Variants in QKI observed in about 807,000 individuals in gnomAD.
The protein encoded by QKI is QKI, KH domain containing RNA binding.
QKI carries 10 observed loss-of-function variants against 39.0 expected under a neutral mutation model. The observed-to-expected ratio is 0.26, with a 90% CI of 0.16 to 0.43. The LOEUF (loss-of-function observed/expected upper bound fraction) is 0.43. QKI is among the 20% of genes least tolerant of loss of function. QKI has a pLI of 1.00. For synonymous variants in QKI, 204 were observed against 155.4 expected (o/e 1.31, Z -2.33); for missense variants, 218 against 428.0 (o/e 0.51, Z 4.33).
chr6:163,433,553 T>A (rs1303484824), intron 1 of QKI, among the ~76,000 whole-genome samples: 1 of 152,022 alleles, frequency 6.6e-6, no homozygotes, highest in African/African-American at 2.4e-5. Context: ...GATCACGAGG[T>A]CAGGAGTTTG....
chr6:163,525,816 T>A (rs1780479187), intron 3 of QKI, among the ~76,000 whole-genome samples: 1 of 152,236 alleles, frequency 6.6e-6, no homozygotes, highest in Admixed American at 6.5e-5. Context: ...ACTGAGTACA[T>A]TGAGTCAGGT....
Position 163,415,165 on chromosome 6 carries a change from C to A in QKI, c.-29C>A. The stretch of plus-strand genomic sequence containing the variant: ...TCTCCGGCGGCGGCGGCGGCGGCGG[C>A]GGGCGGAGTGAGCTGCGGAGCCTGG... On this transcript the variant is annotated 5_prime_UTR_variant, in exon 1 of 8. Transcript: ENST00000361752. 7.0e-7 allele frequency: 1 copy of A among 1,431,902 alleles called. No individual in the cohort carries two copies. The highest frequency in any genetic ancestry group is 9.3e-7 in the Non-Finnish European group (1 of 1,077,610). 88.7% of individuals were successfully genotyped at this position (1,431,902 alleles called of 1,614,324 possible). A position where few individuals can be genotyped will look rare whatever the true frequency, so the allele number is the denominator to read the frequency against.
chr6:163,570,818 C>T lies in QKI; in HGVS notation c.*108C>T, dbSNP rs1018228636. On this transcript the variant is annotated 3_prime_UTR_variant, in exon 8 of 8. Transcript: ENST00000361752. Reference sequence around the variant, plus strand: ...CTTTGCTTGCCTGTCGTCAGTGCAGCGAGCTGAGGCACTTGTCCGTTCGTC... The same window carrying T: ...CTTTGCTTGCCTGTCGTCAGTGCAGTGAGCTGAGGCACTTGTCCGTTCGTC... 2.5e-5 allele frequency: 36 copies of T among 1,414,732 alleles called. No individual in the cohort carries two copies. The African/African-American group carries it at 2.6e-4, about 10-fold the overall frequency. The allele number at this position is 1,414,732 out of a possible 1,614,324, so 87.6% of individuals were successfully genotyped here. A position where few individuals can be genotyped will look rare whatever the true frequency, so the allele number is the denominator to read the frequency against.
At chr6:163,453,448 G>A (rs1790720128) in intron 1 of QKI, among the ~76,000 whole-genome samples, 1 of 152,112 alleles carries the variant, frequency 6.6e-6, no homozygotes, top group African/African-American at 2.4e-5. Flanking sequence ...CAGAGACCTG[G>A]CTAAAGGATG....
At position 163,418,294 on chromosome 6, in the gene QKI, A is replaced by G. The variant is rs537726190; in HGVS notation, c.142+2959A>G. Among the ~76,000 whole-genome samples the G allele has an allele frequency of 3.3e-5, 5 of 152,278 alleles. No homozygotes were observed. The South Asian group carries it at 1.0e-3, about 32-fold the overall frequency. ...TATTTTTCAAAGAATAAGCTTTTTA[A>G]AAATATGCTTGTCAGCCTAAGAATT... On this transcript the variant is annotated intron_variant, in intron 1 of 7. Coordinates refer to ENST00000361752, the MANE Select transcript of QKI (RefSeq NM_006775.3).
chr6:163,467,353 G>T (rs898388394), intron 2 of QKI, among the ~76,000 whole-genome samples: 1 of 152,212 alleles, frequency 6.6e-6, no homozygotes, highest in African/African-American at 2.4e-5. Context: ...GTTGTATGCA[G>T]CACAGGAACT....
rs761065550 is a variant in QKI, at chr6:163,415,175, G to C, written c.-19G>C. 6 of 1,509,580 alleles carry C rather than the reference G, an allele frequency of 4.0e-6. No homozygotes were observed. Among genetic ancestry groups the C allele is most frequent in the Admixed American group, 1.9e-5 (1 of 52,960 alleles). 93.5% of individuals were successfully genotyped at this position (1,509,580 alleles called of 1,614,324 possible). ...CGGCGGCGGCGGCGGCGGGCGGAGT[G>C]AGCTGCGGAGCCTGGAATATGGTCG... On this transcript the variant is annotated 5_prime_UTR_variant, in exon 1 of 8. Coordinates refer to ENST00000361752, the MANE Select transcript of QKI (RefSeq NM_006775.3).
chr6:163,429,807 G>A (rs75118331), intron 1 of QKI, among the ~76,000 whole-genome samples: 1 of 152,192 alleles, frequency 6.6e-6, no homozygotes, highest in East Asian at 1.9e-4. Context: ...TCTATTCTAG[G>A]CTGTTTGGTT....
chr6:163,415,402 A>G, intron 1 of QKI, 67 bp downstream of exon 1: 5 of 998,066 alleles, frequency 5.0e-6, no homozygotes, highest in Non-Finnish European at 7.0e-6. Context: ...CCCGCTTGGG[A>G]TGGTGGGGAG....
At chr6:163,485,670 A>T (rs994111217) in intron 3 of QKI, among the ~76,000 whole-genome samples, 86 of 152,082 alleles carry the variant, frequency 5.7e-4, no homozygotes, top group African/African-American at 1.9e-3. Flanking sequence ...CATTGTGTTG[A>T]TGGGTGAAAT....
intron 1 of QKI, among the ~76,000 whole-genome samples, chr6:163,440,366 CT>C (rs1789674669): frequency 6.6e-6 from 1 of 152,166 alleles, no homozygotes; most frequent in Admixed American, 6.5e-5. Context: ...TCTTTCCTAA[CT>C]ATGAAATGAA....
At chr6:163,463,326 T>C (rs1038124987) in intron 2 of QKI, among the ~76,000 whole-genome samples, 1 of 152,186 alleles carries the variant, frequency 6.6e-6, no homozygotes, top group East Asian at 1.9e-4. Context: ...GTATTAGATG[T>C]AGGTGGTAGT....
intron 1 of QKI, chr6:163,415,826 C>A: frequency 8.6e-6 from 4 of 465,688 alleles, no homozygotes; most frequent in Non-Finnish European, 1.7e-5. Context: ...GGGAGCTCTC[C>A]CCTCCCGTGA....
At chr6:163,504,783 T>G (rs1420060067) in intron 3 of QKI, among the ~76,000 whole-genome samples, 1 of 152,194 alleles carries the variant, frequency 6.6e-6, no homozygotes, top group Non-Finnish European at 1.5e-5. Flanking sequence ...CAAATCATAT[T>G]GTTAGCAAAG....
At chr6:163,500,743 A>G (rs1778707612) in intron 3 of QKI, among the ~76,000 whole-genome samples, 1 of 152,210 alleles carries the variant, frequency 6.6e-6, no homozygotes, top group Non-Finnish European at 1.5e-5. Context: ...ACCAACAAAT[A>G]CTTTATGAAT....
intron 3 of QKI, among the ~76,000 whole-genome samples, chr6:163,517,041 C>T (rs989389794): frequency 2.2e-5 from 2 of 90,800 alleles, no homozygotes; most frequent in African/African-American, 6.7e-5. Flanking sequence ...AGGGGACACA[C>T]ACACACACAC....
intron 3 of QKI, among the ~76,000 whole-genome samples, chr6:163,523,911 T>G (rs564746613): frequency 6.6e-6 from 1 of 152,324 alleles, no homozygotes; most frequent in East Asian, 1.9e-4. Flanking sequence ...AAGTATCATT[T>G]TAGAGCCATA....
intron 1 of QKI, among the ~76,000 whole-genome samples, chr6:163,425,431 A>G (rs1788332748): frequency 6.6e-6 from 1 of 152,216 alleles, no homozygotes; most frequent in South Asian, 2.1e-4. Flanking sequence ...GTTGTAGGGA[A>G]TCTTTAAGGC....
intron 1 of QKI, among the ~76,000 whole-genome samples, chr6:163,450,168 C>T (rs953926440): frequency 6.6e-6 from 1 of 152,142 alleles, no homozygotes; most frequent in African/African-American, 2.4e-5. Flanking sequence ...AGCAATTCTC[C>T]TGCCTCAGCC....
Sources: gnomAD v4.1 joint callset for allele counts (sites outside exome capture counted in the v4.1 genomes callset) on GRCh38, gnomAD v4.1.1 for gene constraint, MANE v1.5 for transcripts, NCBI Gene and HGNC (gene_info 2026-07-23, HGNC 2026-07-21) for gene names.